Variants in FAM13A observed in about 807,000 individuals in gnomAD.
The protein encoded by FAM13A is family with sequence similarity 13 member A, also known as protein FAM13A.
In FAM13A, 76 loss-of-function variants were observed where a neutral mutation model predicts 129.6. The ratio of observed to expected loss-of-function variants is 0.59; its 90% CI spans 0.49 to 0.71. The LOEUF (loss-of-function observed/expected upper bound fraction) is 0.71, where lower values mean the gene tolerates loss of function less well. Among genes scored for constraint, FAM13A ranks in the 30% least tolerant of loss-of-function variants. The pLI is 0.00. For missense variants in FAM13A, 1,108 were observed against 1,249.3 expected, an observed-to-expected ratio of 0.89 and a Z score of 1.70; for synonymous variants, 443 against 449.9, an observed-to-expected ratio of 0.98 and a Z score of 0.20.
intron 1 of FAM13A, among the ~76,000 whole-genome samples, chr4:89,035,352 T>A (rs1769246422): frequency 6.6e-6 from 1 of 151,542 alleles, no homozygotes; most frequent in African/African-American, 2.4e-5. Flanking sequence ...AGACAAAAAA[T>A]AAAAAATTAA....
At chr4:88,882,600 G>GA (rs61001135) in intron 6 of FAM13A, among the ~76,000 whole-genome samples, 17,061 of 136,934 alleles carry the variant, frequency 0.12, 1,297 homozygotes, top group Middle Eastern at 0.26. Flanking sequence ...AAACACAATG[G>GA]AAAAAAAAAA....
At chr4:88,859,910 T>C (rs1402188846) in intron 6 of FAM13A, among the ~76,000 whole-genome samples, 1 of 152,214 alleles carries the variant, frequency 6.6e-6, no homozygotes, top group Admixed American at 6.5e-5. Flanking sequence ...TTGTATCTCC[T>C]GCCTGTAAGT....
chr4:88,890,390 C>T lies in FAM13A; in HGVS notation c.843+15989G>A, dbSNP rs1745124525. Among the ~76,000 whole-genome samples, 4 of 152,140 alleles carry T rather than the reference C, an allele frequency of 2.6e-5. No homozygotes were observed. The South Asian group carries it at 8.3e-4, about 32-fold the overall frequency. ...ACAAGCTGGATATGCACTGGATTTC[C>T]CAGCAGTACTGATCTAGAGACTCTC... On this transcript the variant is annotated intron_variant, in intron 6 of 23. Coordinates refer to ENST00000264344, the MANE Select transcript of FAM13A (RefSeq NM_014883.4).
chr4:89,036,533 T>C (rs933379366), intron 1 of FAM13A, among the ~76,000 whole-genome samples: 2 of 152,186 alleles, frequency 1.3e-5, no homozygotes, highest in Non-Finnish European at 2.9e-5. Context: ...CCTGATCATA[T>C]TGTAGAAAAT....
chr4:88,734,373 A>G (rs1738523977), intron 21 of FAM13A, among the ~76,000 whole-genome samples: 1 of 152,234 alleles, frequency 6.6e-6, no homozygotes, highest in Non-Finnish European at 1.5e-5. Flanking sequence ...AAGAAAAGGC[A>G]TATTTCAAAA....
intron 7 of FAM13A, among the ~76,000 whole-genome samples, chr4:88,822,171 T>C (rs1732084552): frequency 6.6e-6 from 1 of 152,194 alleles, no homozygotes; most frequent in Admixed American, 6.5e-5. Context: ...CAGTTGAAGT[T>C]GAAATAGGAC....
At chr4:88,902,074 G>C (rs554772437) in intron 6 of FAM13A, among the ~76,000 whole-genome samples, 11 of 152,210 alleles carry the variant, frequency 7.2e-5, no homozygotes, top group Admixed American at 3.3e-4. Flanking sequence ...CTGAGTCTCT[G>C]AATAGACCAA....
In FAM13A at chr4:88,737,554, C is replaced by A; in HGVS notation, c.2564G>T (p.Gly855Val). ...GCTTCTCCGCTTGCTGGAGGGGGAACCCTGTGACAGGTGTTAACAAGTAGG... is the reference window on the plus strand; with the variant it reads ...GCTTCTCCGCTTGCTGGAGGGGGAAACCTGTGACAGGTGTTAACAAGTAGG... ...LSRANTIPIIGSPSSKRRSPL... is the reference protein window; with the variant it reads ...LSRANTIPIIVSPSSKRRSPL... Residue 855 changes from glycine (G) to valine (V), a missense_variant and splice_region_variant, in exon 21 of 24, where the codon GGT becomes GTT. Physicochemically the swap from Gly to Val is moderately radical, Grantham distance 109 (BLOSUM62 -3). This residue lies in a region of FAM13A where 529 missense variants were observed against 621.2 expected (regional missense o/e 0.85). Transcript: ENST00000264344. 1 of 1,613,826 alleles carries A rather than the reference C, an allele frequency of 6.2e-7. No homozygotes were observed. Among genetic ancestry groups the A allele is most frequent in the South Asian group, 1.1e-5 (1 of 91,078 alleles).
At chr4:88,822,185 A>G (rs1415887045) in intron 7 of FAM13A, among the ~76,000 whole-genome samples, 1 of 152,202 alleles carries the variant, frequency 6.6e-6, no homozygotes, top group Non-Finnish European at 1.5e-5. Context: ...ATAGGACAAT[A>G]TGATTAGCAA....
intron 4 of FAM13A, among the ~76,000 whole-genome samples, chr4:88,955,845 G>T (rs1757669147): frequency 6.6e-6 from 1 of 152,140 alleles, no homozygotes; most frequent in Admixed American, 6.5e-5. Context: ...GTTTAAAAGG[G>T]AAGCAGAGCA....
intron 4 of FAM13A, among the ~76,000 whole-genome samples, chr4:88,956,385 C>G (rs1757758001): frequency 6.6e-6 from 1 of 152,084 alleles, no homozygotes; most frequent in African/African-American, 2.4e-5. Flanking sequence ...ATCATATAGC[C>G]TAGGTGTGGG....
chr4:89,016,821 G>T (rs1766557550), intron 3 of FAM13A, among the ~76,000 whole-genome samples: 2 of 152,112 alleles, frequency 1.3e-5, no homozygotes, highest in Non-Finnish European at 2.9e-5. Flanking sequence ...TTTCTGTAGA[G>T]ATGCGGTTTT....
intron 4 of FAM13A, among the ~76,000 whole-genome samples, chr4:88,966,478 T>C (rs562882239): frequency 1.3e-5 from 2 of 152,320 alleles, no homozygotes; most frequent in Non-Finnish European, 2.9e-5. Flanking sequence ...GCCAAATAAG[T>C]AAAGCATTAG....
At chr4:88,741,727 C>A (rs1428660359) in intron 19 of FAM13A, among the ~76,000 whole-genome samples, 1 of 152,146 alleles carries the variant, frequency 6.6e-6, no homozygotes. Flanking sequence ...TTCATTGGAA[C>A]ATTTTGAATT....
At chr4:88,979,196 A>G (rs1579599837) in intron 4 of FAM13A, among the ~76,000 whole-genome samples, 1 of 152,252 alleles carries the variant, frequency 6.6e-6, no homozygotes. Flanking sequence ...AAAAATAATA[A>G]TATGAGTACT....
intron 2 of FAM13A, among the ~76,000 whole-genome samples, chr4:89,023,849 CAT>C (rs34267362): frequency 0.091 from 13,816 of 152,222 alleles, 655 homozygotes; most frequent in Middle Eastern, 0.11. Context: ...CCAGTACCCA[CAT>C]GAGGCTTACC....
chr4:88,821,006 C>A (rs1348269682), intron 7 of FAM13A, among the ~76,000 whole-genome samples: 1 of 152,186 alleles, frequency 6.6e-6, no homozygotes, highest in Non-Finnish European at 1.5e-5. Flanking sequence ...GGCTCTGGAA[C>A]CTTCCTGCTT....
chr4:88,747,056 T>C, intron 18 of FAM13A, 41 bp from the exon 19 acceptor site: 2 of 1,362,580 alleles, frequency 1.5e-6, no homozygotes, highest in Non-Finnish European at 2.1e-6. Context: ...GAGAGGAAAA[T>C]GTGTGTGAAC....
chr4:89,024,506 G>A (rs1222001478), intron 2 of FAM13A, among the ~76,000 whole-genome samples: 3 of 152,014 alleles, frequency 2.0e-5, no homozygotes, highest in Non-Finnish European at 4.4e-5. Flanking sequence ...ATGCCAAATT[G>A]TTAAATTGCA....
Sources: gnomAD v4.1 joint callset for allele counts (sites outside exome capture counted in the v4.1 genomes callset) on GRCh38, gnomAD v4.1.1 for gene constraint, gnomAD v4.1.1 regional missense constraint, MANE v1.5 for transcripts, NCBI Gene and HGNC (gene_info 2026-07-23, HGNC 2026-07-21) for gene names.